The following TSNAX variants were observed in gnomAD, a reference collection of about 807,000 sequenced individuals.
The protein encoded by TSNAX is translin associated factor X.
TSNAX carries 12 observed loss-of-function variants against 33.0 expected under a neutral mutation model. The ratio of observed to expected loss-of-function variants is 0.36; its 90% CI spans 0.23 to 0.59. TSNAX has a LOEUF of 0.59. Among genes scored for constraint, TSNAX ranks in the 20% least tolerant of loss-of-function variants. The pLI, the probability that TSNAX is intolerant of heterozygous loss-of-function variation, is 0.74. For missense variants in TSNAX, 267 were observed against 341.3 expected (o/e 0.78, Z 1.72); for synonymous variants, 110 against 117.2 (o/e 0.94, Z 0.40).
chr1:231,563,275 C>T (rs546087209), intron 5 of TSNAX, among the ~76,000 whole-genome samples: 2 of 152,304 alleles, frequency 1.3e-5, no homozygotes, highest in Non-Finnish European at 2.9e-5. Context: ...ATTTAGGCAT[C>T]GTCTCTACCA....
At chr1:231,529,884 TCTTC>T (rs1265598249) in intron 2 of TSNAX, among the ~76,000 whole-genome samples, 4 of 152,236 alleles carry the variant, frequency 2.6e-5, no homozygotes, top group African/African-American at 9.6e-5. Flanking sequence ...AACAAAATCC[TCTTC>T]CTTTTGTCCC....
intron 2 of TSNAX, chr1:231,534,270 A>G (rs1402755263): frequency 6.6e-6 from 1 of 152,216 alleles, no homozygotes; most frequent in Non-Finnish European, 1.5e-5. Context: ...GTAAGGCTTC[A>G]TAAAGAGTTT....
At chr1:231,554,473 T>C (rs1311858608) in intron 4 of TSNAX, 1 of 152,148 alleles carries the variant, frequency 6.6e-6, no homozygotes, top group Non-Finnish European at 1.5e-5. Context: ...CTCAGAGTTC[T>C]AGGGTGCAAA....
At chr1:231,553,432 C>G (rs1033175045) in intron 4 of TSNAX, among the ~76,000 whole-genome samples, 1 of 152,126 alleles carries the variant, frequency 6.6e-6, no homozygotes, top group Non-Finnish European at 1.5e-5. Context: ...GTAAATAATT[C>G]TAATTGGATT....
At chr1:231,542,725 T>C in intron 4 of TSNAX, 114 bp downstream of exon 4, 1 of 1,257,530 alleles carries the variant, frequency 8.0e-7, no homozygotes, top group Non-Finnish European at 1.1e-6. Flanking sequence ...TACTGGCTTT[T>C]AAAGAACTGC....
chr1:231,548,090 C>T (rs539802926), intron 4 of TSNAX, among the ~76,000 whole-genome samples: 4 of 152,224 alleles, frequency 2.6e-5, no homozygotes, highest in Admixed American at 2.0e-4. Context: ...GCCTTGGCCT[C>T]CCAAAGTGCT....
intron 4 of TSNAX, among the ~76,000 whole-genome samples, chr1:231,557,946 A>T (rs1320802888): frequency 6.6e-6 from 1 of 152,170 alleles, no homozygotes; most frequent in Non-Finnish European, 1.5e-5. Flanking sequence ...ATAGGGGATT[A>T]TAAGAGTAAA....
At chr1:231,553,682 C>CTTTTTTT (rs5781656) in intron 4 of TSNAX, among the ~76,000 whole-genome samples, 1 of 133,724 alleles carries the variant, frequency 7.5e-6, no homozygotes. Flanking sequence ...TCTTTCTTTC[C>CTTTTTTT]TTTTTTTTTT....
chr1:231,542,477 A>C lies in TSNAX; in HGVS notation c.237-4A>C, dbSNP rs780664121. 4.3e-6 allele frequency: 7 copies of C among 1,613,212 alleles called. No homozygotes were observed. In the African/African-American group the frequency reaches 9.3e-5, roughly 22 times the overall value. On this transcript the variant is annotated splice_region_variant and splice_polypyrimidine_tract_variant and intron_variant, in intron 3 of 5. Transcript: ENST00000366639. ...TCTAAAAGTTCCCAATATCTTGATCATAGTGCTCCTGATATGGAAGATATA... is the reference window on the plus strand; with the variant it reads ...TCTAAAAGTTCCCAATATCTTGATCCTAGTGCTCCTGATATGGAAGATATA...
chr1:231,563,553 T>G (rs1201381265), intron 5 of TSNAX: 1 of 154,712 alleles, frequency 6.5e-6, no homozygotes, highest in African/African-American at 2.4e-5. Context: ...TGGGAGGAGA[T>G]GGGTCAAGGT....
chr1:231,546,347 G>A (rs1001577494), intron 4 of TSNAX, among the ~76,000 whole-genome samples: 4 of 152,044 alleles, frequency 2.6e-5, no homozygotes, highest in African/African-American at 9.7e-5. Flanking sequence ...TGTTTCTTCC[G>A]AAAGAAAGCA....
intron 4 of TSNAX, among the ~76,000 whole-genome samples, chr1:231,547,281 T>A: frequency 6.6e-6 from 1 of 152,188 alleles, no homozygotes; most frequent in Non-Finnish European, 1.5e-5. Flanking sequence ...CCGACTTGTT[T>A]CATCTACTCT....
chr1:231,564,461 C>CT (rs1027132347), intron 5 of TSNAX, 67 bp from the exon 6 acceptor site: 1 of 1,535,376 alleles, frequency 6.5e-7, no homozygotes, highest in South Asian at 1.3e-5. Flanking sequence ...TATATTCACT[C>CT]TTTTTCACAG....
In TSNAX at chr1:231,547,980, A is replaced by G. The variant is rs1231904016; in HGVS notation, c.367+5369A>G. ...CTCAGCTTCCCGAGTAGCTGGGACT[A>G]CAGGCGTCCGCTACCACGCCCGGCT... On this transcript the variant is annotated intron_variant, in intron 4 of 5. Transcript: ENST00000366639. Among the ~76,000 whole-genome samples, 3 of 151,414 alleles carry G rather than the reference A, an allele frequency of 2.0e-5. No homozygotes were observed. In the East Asian group the frequency reaches 5.9e-4, roughly 30 times the overall value.
intron 4 of TSNAX, among the ~76,000 whole-genome samples, chr1:231,547,389 CTTTTTTTTTTTT>C (rs71179784): frequency 9.6e-6 from 1 of 104,692 alleles, no homozygotes. Context: ...TTTTTTTTTT[CTTTTTTTTTTTT>C]TTTTTTTGAG....
chr1:231,543,156 C>T (rs1037811396), intron 4 of TSNAX, among the ~76,000 whole-genome samples: 1 of 150,444 alleles, frequency 6.6e-6, no homozygotes, highest in African/African-American at 2.4e-5. Flanking sequence ...CCAGCCTGGG[C>T]GTCAGCACAA....
In TSNAX at chr1:231,566,292, A is replaced by T. The variant is rs1476574389; in HGVS notation, c.*1387A>T. 1 of 152,602 alleles carries T rather than the reference A, an allele frequency of 6.6e-6. No homozygotes were observed. The highest frequency in any genetic ancestry group is 2.4e-5 in the African/African-American group (1 of 41,450). 9.5% of individuals were successfully genotyped at this position (152,602 alleles called of 1,614,324 possible). A position where few individuals can be genotyped will look rare whatever the true frequency, so the allele number is the denominator to read the frequency against. On this transcript the variant is annotated 3_prime_UTR_variant, in exon 6 of 6. Coordinates refer to ENST00000366639, the MANE Select transcript of TSNAX (RefSeq NM_005999.3). ...AGAATAACAATGGTAATCGTTAGTA[A>T]TATTTAGAATTGGAATTTGCCTACT...
intron 3 of TSNAX, among the ~76,000 whole-genome samples, chr1:231,538,217 C>T (rs948589498): frequency 2.0e-5 from 3 of 151,946 alleles, no homozygotes; most frequent in South Asian, 4.1e-4. Context: ...TGATAGACTT[C>T]GTGATTGCAA....
At chr1:231,542,328 A>G (rs1390524949) in intron 3 of TSNAX, 153 bp from the exon 4 acceptor site, 4 of 697,600 alleles carry the variant, frequency 5.7e-6, no homozygotes, top group Admixed American at 3.6e-5. Context: ...TAACATTTTC[A>G]TGTTCTCCAT....
Sources: gnomAD v4.1 joint callset for allele counts (sites outside exome capture counted in the v4.1 genomes callset) on GRCh38, gnomAD v4.1.1 for gene constraint, MANE v1.5 for transcripts, NCBI Gene and HGNC (gene_info 2026-07-23, HGNC 2026-07-21) for gene names.